Variants in SAMD5 observed in about 807,000 individuals in gnomAD.
SAMD5 encodes the protein sterile alpha motif domain-containing protein 5.
In SAMD5, 13 loss-of-function variants were observed where a neutral mutation model predicts 11.3. The observed-to-expected ratio is 1.15, with a 90% CI of 0.75 to 1.83. SAMD5 has a LOEUF of 1.83. Among genes scored for constraint, SAMD5 ranks in the 40% most tolerant of loss-of-function variants. The pLI is 0.00. For synonymous variants in SAMD5, 129 were observed against 111.3 expected (o/e 1.16, Z -1.00); for missense variants, 255 against 239.1 (o/e 1.07, Z -0.44).
At chr6:147,533,592 A>T (rs1452915527) in intron 1 of SAMD5, among the ~76,000 whole-genome samples, 2 of 152,092 alleles carry the variant, frequency 1.3e-5, no homozygotes, top group African/African-American at 2.4e-5. Context: ...AGTCACCAGG[A>T]GTCCAGCCGA....
At chr6:147,533,175 C>G (rs978473479) in intron 1 of SAMD5, among the ~76,000 whole-genome samples, 6 of 152,038 alleles carry the variant, frequency 3.9e-5, no homozygotes, top group Admixed American at 2.6e-4. Context: ...CGGGGCAGGT[C>G]CAGGGCTTGC....
chr6:147,607,969 G>A (rs2128448844), intron 1 of SAMD5, among the ~76,000 whole-genome samples: 1 of 152,188 alleles, frequency 6.6e-6, no homozygotes, highest in South Asian at 2.1e-4. Context: ...ATCCAAACCT[G>A]GGCAAAAGAT....
chr6:147,590,703 G>A (rs952721887), intron 1 of SAMD5, among the ~76,000 whole-genome samples: 2 of 152,124 alleles, frequency 1.3e-5, no homozygotes, highest in African/African-American at 2.4e-5. Flanking sequence ...GAGCCACTGC[G>A]CCTGGCCTCA....
At chr6:147,635,659 A>G (rs1022339878) in intron 1 of SAMD5, among the ~76,000 whole-genome samples, 2 of 152,192 alleles carry the variant, frequency 1.3e-5, no homozygotes, top group African/African-American at 4.8e-5. Context: ...CAGCCAATGG[A>G]ATAATAGGAG....
At chr6:147,941,582 C>A in the SAMD5 span, among the ~76,000 whole-genome samples, 2 of 152,258 alleles carry the variant, frequency 1.3e-5, no homozygotes, top group East Asian at 3.9e-4. Context: ...CTGTTTACTT[C>A]ATGCAAAATT....
chr6:147,797,380 G>A, the SAMD5 span, among the ~76,000 whole-genome samples: 1 of 123,496 alleles, frequency 8.1e-6, no homozygotes, highest in East Asian at 2.5e-4. Flanking sequence ...TTATTGATTT[G>A]CATATATTGA....
At chr6:147,736,961 T>G (rs1468247360) in intron 1 of SAMD5, among the ~76,000 whole-genome samples, 3 of 152,170 alleles carry the variant, frequency 2.0e-5, no homozygotes, top group Non-Finnish European at 1.5e-5. Context: ...ATTTGGGTTT[T>G]GACTTCTTTA....
chr6:147,875,478 C>A, the SAMD5 span, among the ~76,000 whole-genome samples: 1 of 152,148 alleles, frequency 6.6e-6, no homozygotes, highest in African/African-American at 2.4e-5. Context: ...CTAATAATTT[C>A]CATTCGACTA....
At chr6:147,911,328 T>G in the SAMD5 span, among the ~76,000 whole-genome samples, 1 of 152,156 alleles carries the variant, frequency 6.6e-6, no homozygotes, top group East Asian at 1.9e-4. Context: ...AAAGTCAGGA[T>G]TCCCAGGTTA....
At position 147,657,320 on chromosome 6, in the gene SAMD5, T is replaced by C. The variant is rs572316680; in HGVS notation, c.163-79997T>C. Among the ~76,000 whole-genome samples, 466 of 152,258 alleles carry C rather than the reference T, an allele frequency of 3.1e-3. 1 individual carries two copies. The highest frequency in any genetic ancestry group is 5.8e-3 in the South Asian group (28 of 4,826). The stretch of plus-strand genomic sequence containing the variant: ...ACAATTATTACATTAATGTTAAATG[T>C]CCTGAAGTTGATAACTGTACTGTGG... On this transcript the variant is annotated intron_variant, in intron 1 of 1. Coordinates refer to the SAMD5 transcript ENST00000566741.
At chr6:147,904,628 A>C in the SAMD5 span, among the ~76,000 whole-genome samples, 278 of 152,258 alleles carry the variant, frequency 1.8e-3, 1 homozygote, top group Middle Eastern at 0.01. Flanking sequence ...TCAGTGACTC[A>C]CCTCACACCT....
At chr6:147,859,795 C>G in the SAMD5 span, among the ~76,000 whole-genome samples, 57 of 151,940 alleles carry the variant, frequency 3.8e-4, no homozygotes, top group African/African-American at 1.4e-3. Flanking sequence ...GTTTCCTCAC[C>G]AAACTGCTAA....
At chr6:147,739,861 C>G (rs1031287652), downstream of SAMD5, among the ~76,000 whole-genome samples, 1 of 151,554 alleles carries the variant, frequency 6.6e-6, no homozygotes, top group Non-Finnish European at 1.5e-5. Flanking sequence ...GCTCTGTCAC[C>G]CAGGCTGGAG....
At chr6:147,830,251 C>CTTTTTTTTTTTTTT in the SAMD5 span, among the ~76,000 whole-genome samples, 44 of 84,934 alleles carry the variant, frequency 5.2e-4, no homozygotes, top group Non-Finnish European at 6.3e-4. Flanking sequence ...TTCTTTCTTT[C>CTTTTTTTTTTTTTT]TTTTTTTTTT....
At position 147,569,527 on chromosome 6, in the gene SAMD5, G is replaced by A; in HGVS notation, c.*5071G>A. On this transcript the variant is annotated 3_prime_UTR_variant, in exon 2 of 2. Transcript: ENST00000367474. ...GAAATGTCTTTTATAGGTATATTCT[G>A]TATAATACCCTTAATTAGATGAATT... 1 of 867,418 alleles carries A rather than the reference G, an allele frequency of 1.2e-6. No homozygotes were observed. Among genetic ancestry groups the A allele is most frequent in the Non-Finnish European group, 1.4e-6 (1 of 722,532 alleles). The allele number at this position is 867,418 out of a possible 1,614,324, so 53.7% of individuals were successfully genotyped here.
At chr6:147,898,902 C>A in the SAMD5 span, among the ~76,000 whole-genome samples, 1 of 151,940 alleles carries the variant, frequency 6.6e-6, no homozygotes, top group African/African-American at 2.4e-5. Flanking sequence ...ATGTGTTGGC[C>A]GGGCGTGGTG....
chr6:147,525,685 A>C (rs1345163524), intron 1 of SAMD5, among the ~76,000 whole-genome samples: 1 of 152,036 alleles, frequency 6.6e-6, no homozygotes, highest in Non-Finnish European at 1.5e-5. Context: ...GTTGGTTACT[A>C]TGTGAGCGAA....
intron 1 of SAMD5, among the ~76,000 whole-genome samples, chr6:147,580,015 G>A (rs570455761): frequency 1.1e-4 from 17 of 152,246 alleles, no homozygotes; most frequent in African/African-American, 3.9e-4. Context: ...TCTCCTTCAC[G>A]CAGGAGGGAG....
chr6:147,812,724 G>A, the SAMD5 span, among the ~76,000 whole-genome samples: 2 of 152,214 alleles, frequency 1.3e-5, no homozygotes, highest in Non-Finnish European at 1.5e-5. Flanking sequence ...CTTACCACAG[G>A]CACTAGATAA....
Sources: allele counts gnomAD v4.1 joint callset (sites outside exome capture counted in the v4.1 genomes callset), GRCh38; gene constraint gnomAD v4.1.1; transcripts MANE v1.5; gene names NCBI Gene and HGNC (gene_info 2026-07-23, HGNC 2026-07-21).